The following ANKRD62 variants were observed in gnomAD, a reference collection of about 807,000 sequenced individuals.
ANKRD62 encodes the protein ankyrin repeat domain-containing protein 62.
Under a neutral mutation model 98.8 loss-of-function variants are expected in ANKRD62, and 61 were observed. The ratio of observed to expected loss-of-function variants is 0.62; its 90% CI spans 0.50 to 0.76. ANKRD62 has a LOEUF of 0.76. Among genes scored for constraint, ANKRD62 ranks in the 30% least tolerant of loss-of-function variants. The pLI, the probability that ANKRD62 is intolerant of heterozygous loss-of-function variation, is 0.00. For synonymous variants in ANKRD62, 341 were observed against 367.9 expected (o/e 0.93, Z 0.84); for missense variants, 933 against 1,082.9 (o/e 0.86, Z 1.94).
the ANKRD62 span, among the ~76,000 whole-genome samples, chr18:12,161,838 T>C: frequency 4.3e-4 from 65 of 152,160 alleles, no homozygotes; most frequent in Non-Finnish European, 6.6e-4. Context: ...ATCCATGTTG[T>C]TGCAGATGAC....
At position 12,127,965 on chromosome 18, in the gene ANKRD62, A is replaced by C; in HGVS notation, c.*26A>C. The C allele has an allele frequency of 1.5e-6, 2 of 1,305,400 alleles. No individual in the cohort carries two copies. The highest frequency in any genetic ancestry group is 2.9e-5 in the East Asian group (1 of 34,778). The allele number at this position is 1,305,400 out of a possible 1,614,324, so 80.9% of individuals were successfully genotyped here. A position where few individuals can be genotyped will look rare whatever the true frequency, so the allele number is the denominator to read the frequency against. On this transcript the variant is annotated 3_prime_UTR_variant, in exon 14 of 14. Coordinates refer to ENST00000587848, the MANE Select transcript of ANKRD62 (RefSeq NM_001277333.2). ...CTGGTTAAATAATATCAAGTGTTTC[A>C]GGACACTAGTTTCAGTGGAGAGCTT...
chr18:12,123,201 C>T (rs1187784848), intron 11 of ANKRD62, among the ~76,000 whole-genome samples: 1 of 151,886 alleles, frequency 6.6e-6, no homozygotes, highest in East Asian at 1.9e-4. Flanking sequence ...GCACACGTCA[C>T]CATGCCTTTC....
intron 8 of ANKRD62, among the ~76,000 whole-genome samples, chr18:12,109,861 C>T (rs4621045): frequency 0.6 from 90,129 of 151,094 alleles, 27,332 homozygotes; most frequent in Middle Eastern, 0.76. Context: ...GAATAGGTGT[C>T]ACTCTGTCAC....
At chr18:12,122,176 T>A in intron 10 of ANKRD62, 127 bp from the exon 11 acceptor site, 1 of 631,388 alleles carries the variant, frequency 1.6e-6, no homozygotes, top group Non-Finnish European at 2.6e-6. Context: ...ATTTTCCACA[T>A]TGCAAGCACT....
the ANKRD62 span, among the ~76,000 whole-genome samples, chr18:12,138,205 A>C: frequency 6.6e-6 from 1 of 152,292 alleles, no homozygotes; most frequent in Admixed American, 6.5e-5. Flanking sequence ...TTCCCTCTAC[A>C]CACTGCTTTA....
intron 7 of ANKRD62, among the ~76,000 whole-genome samples, chr18:12,106,954 G>C (rs976798862): frequency 1.3e-5 from 2 of 152,094 alleles, no homozygotes; most frequent in African/African-American, 4.8e-5. Flanking sequence ...AGATTTGATG[G>C]CTTCGTCTTT....
At chr18:12,136,812 T>C in the ANKRD62 span, among the ~76,000 whole-genome samples, 1 of 152,226 alleles carries the variant, frequency 6.6e-6, no homozygotes, top group Non-Finnish European at 1.5e-5. Flanking sequence ...TTGAAGCAAT[T>C]GTGAATGGAA....
the ANKRD62 span, among the ~76,000 whole-genome samples, chr18:12,153,709 G>T: frequency 3.3e-5 from 5 of 152,130 alleles, no homozygotes; most frequent in African/African-American, 1.2e-4. Flanking sequence ...GGAGGCATTA[G>T]GTTACCCGAC....
At chr18:12,162,044 C>G in the ANKRD62 span, among the ~76,000 whole-genome samples, 1 of 152,090 alleles carries the variant, frequency 6.6e-6, no homozygotes, top group Non-Finnish European at 1.5e-5. Flanking sequence ...ATATACCTAG[C>G]AATGGGATTG....
At chr18:12,115,196 T>A (rs1909635132) in intron 9 of ANKRD62, 75 bp downstream of exon 9, 5 of 1,326,464 alleles carry the variant, frequency 3.8e-6, no homozygotes, top group Non-Finnish European at 4.9e-6. Context: ...ACAGAAAATC[T>A]TTTGCTGTAA....
At chr18:12,169,009 C>T in the ANKRD62 span, among the ~76,000 whole-genome samples, 6 of 152,250 alleles carry the variant, frequency 3.9e-5, no homozygotes, top group South Asian at 4.1e-4. Flanking sequence ...GCTGAAGTTG[C>T]TTATCAGCTT....
chr18:12,105,341 TA>T (rs1909389798), intron 7 of ANKRD62, among the ~76,000 whole-genome samples: 2 of 152,210 alleles, frequency 1.3e-5, no homozygotes, highest in African/African-American at 4.8e-5. Context: ...GACAGAGCAT[TA>T]AAAGTACATC....
At chr18:12,110,076 C>A (rs1411932410) in intron 8 of ANKRD62, among the ~76,000 whole-genome samples, 34 of 152,060 alleles carry the variant, frequency 2.2e-4, no homozygotes, top group Non-Finnish European at 4.4e-5. Flanking sequence ...TGTTTAGAGG[C>A]ACTCTCAATG....
the ANKRD62 span, among the ~76,000 whole-genome samples, chr18:12,181,602 A>G: frequency 6.6e-6 from 1 of 152,236 alleles, no homozygotes; most frequent in African/African-American, 2.4e-5. Context: ...GTGTGTAGCC[A>G]TCACCATGAT....
At chr18:12,108,570 G>A (rs140430256) in intron 8 of ANKRD62, among the ~76,000 whole-genome samples, 166 of 152,158 alleles carry the variant, frequency 1.1e-3, no homozygotes, top group African/African-American at 3.3e-3. Flanking sequence ...ATTCCACCCT[G>A]GCCCCTTTCA....
the ANKRD62 span, among the ~76,000 whole-genome samples, chr18:12,137,258 G>A: frequency 7.2e-5 from 11 of 152,278 alleles, no homozygotes; most frequent in East Asian, 1.9e-3. Flanking sequence ...TTAGCATGAA[G>A]GGTTGTTGAA....
the ANKRD62 span, among the ~76,000 whole-genome samples, chr18:12,151,133 C>T: frequency 5.9e-5 from 9 of 152,066 alleles, no homozygotes; most frequent in African/African-American, 1.7e-4. Context: ...GCAGGGCTTG[C>T]GATCCTAATT....
At chr18:12,160,184 A>C in the ANKRD62 span, among the ~76,000 whole-genome samples, 1 of 152,184 alleles carries the variant, frequency 6.6e-6, no homozygotes, top group Non-Finnish European at 1.5e-5. Flanking sequence ...AGGGCTGCTC[A>C]ATGTCACACA....
In ANKRD62 at chr18:12,129,420, G is replaced by A. The variant is rs1327071867; in HGVS notation, c.*1481G>A. On this transcript the variant is annotated 3_prime_UTR_variant, in exon 14 of 14. Transcript: ENST00000587848. ...CGTAAACAATATGCAGACTGAAGGG[G>A]TGTGGCTGCATTCCAGTAAAATTTA... 1.3e-5 allele frequency: 2 copies of A among 152,096 alleles called. No homozygotes were observed. Among genetic ancestry groups the A allele is most frequent in the African/African-American group, 4.8e-5 (2 of 41,418 alleles). The allele number at this position is 152,096 out of a possible 1,614,324, so 9.4% of individuals were successfully genotyped here.
Sources: allele counts gnomAD v4.1 joint callset (sites outside exome capture counted in the v4.1 genomes callset), GRCh38; gene constraint gnomAD v4.1.1; transcripts MANE v1.5; gene names NCBI Gene and HGNC (gene_info 2026-07-23, HGNC 2026-07-21).